The following SAMD5 variants were observed in gnomAD, a reference collection of about 807,000 sequenced individuals.
SAMD5 encodes the protein sterile alpha motif domain containing 5.
A neutral mutation model predicts 11.3 loss-of-function variants in SAMD5; 13 were observed. The ratio of observed to expected loss-of-function variants is 1.15; its 90% CI spans 0.75 to 1.83. The LOEUF (loss-of-function observed/expected upper bound fraction) is 1.83, where lower values mean the gene tolerates loss of function less well. Ranked by LOEUF, SAMD5 falls within the 40% of genes most tolerant of loss-of-function variation. The pLI is 0.00. For synonymous variants in SAMD5, 129 were observed against 111.3 expected (o/e 1.16, Z -1.00); for missense variants, 255 against 239.1 (o/e 1.07, Z -0.44).
intron 1 of SAMD5, among the ~76,000 whole-genome samples, chr6:147,616,919 T>C (rs541387707): frequency 3.2e-4 from 48 of 152,300 alleles, no homozygotes; most frequent in African/African-American, 1.2e-3. Context: ...TCTTGATACA[T>C]GAGGACTGCA....
chr6:147,668,321 T>G (rs1235364045), intron 1 of SAMD5, among the ~76,000 whole-genome samples: 1 of 152,218 alleles, frequency 6.6e-6, no homozygotes, highest in Non-Finnish European at 1.5e-5. Flanking sequence ...TTGGAGATCT[T>G]TCCACATCAA....
chr6:147,544,397 AG>A (rs1051450101), intron 1 of SAMD5, among the ~76,000 whole-genome samples: 1 of 152,200 alleles, frequency 6.6e-6, no homozygotes, highest in African/African-American at 2.4e-5. Context: ...AGGAGTATTA[AG>A]GGTTTTTAAG....
At chr6:147,729,986 GA>G (rs1214655499) in intron 1 of SAMD5, 3 of 409,552 alleles carry the variant, frequency 7.3e-6, no homozygotes, top group Admixed American at 2.9e-5. Flanking sequence ...TCGGGAGGCT[GA>G]GGCAGAAGAA....
At chr6:147,802,929 C>T in the SAMD5 span, among the ~76,000 whole-genome samples, 1 of 152,172 alleles carries the variant, frequency 6.6e-6, no homozygotes, top group African/African-American at 2.4e-5. Flanking sequence ...AAGGAATTTT[C>T]TGGGGGTGTT....
At chr6:147,637,966 A>G (rs1009860210) in intron 1 of SAMD5, among the ~76,000 whole-genome samples, 1 of 151,840 alleles carries the variant, frequency 6.6e-6, no homozygotes, top group African/African-American at 2.4e-5. Flanking sequence ...GACAGTTTTG[A>G]GAAACTAATG....
chr6:147,590,375 A>C (rs1239207848), intron 1 of SAMD5, among the ~76,000 whole-genome samples: 1 of 152,134 alleles, frequency 6.6e-6, no homozygotes, highest in African/African-American at 2.4e-5. Flanking sequence ...CCTACATAGC[A>C]TAGTGTTTAG....
At chr6:147,948,792 T>G in the SAMD5 span, among the ~76,000 whole-genome samples, 8 of 152,278 alleles carry the variant, frequency 5.3e-5, no homozygotes, top group East Asian at 1.5e-3. Flanking sequence ...ATGTTTTACT[T>G]GTGTTTATGT....
rs190449290 is a variant in SAMD5 at position 147,689,688 on chromosome 6, T to G, written c.163-47629T>G. 2.7e-3 allele frequency among the ~76,000 whole-genome samples: 405 copies of G among 152,346 alleles called. 1 individual carries two copies. Among genetic ancestry groups the G allele is most frequent in the African/African-American group, 9.4e-3 (389 of 41,598 alleles). On this transcript the variant is annotated intron_variant, in intron 1 of 1. Coordinates refer to the SAMD5 transcript ENST00000566741. ...GGAAAGAGAGAAGCTATGTTGGTGC[T>G]TTAGGAAAACAATCACTTATTGTAA... is the stretch of plus-strand genomic sequence containing the variant.
At chr6:147,554,408 T>A (rs1394200260) in intron 1 of SAMD5, among the ~76,000 whole-genome samples, 1 of 152,192 alleles carries the variant, frequency 6.6e-6, no homozygotes, top group Non-Finnish European at 1.5e-5. Flanking sequence ...CCCTTCCGAT[T>A]CATCAAGTGA....
chr6:147,701,408 T>G (rs1791251278), intron 1 of SAMD5, among the ~76,000 whole-genome samples: 1 of 152,148 alleles, frequency 6.6e-6, no homozygotes, highest in African/African-American at 2.4e-5. Context: ...CCCAGGCAGG[T>G]GGATCACCTG....
At chr6:147,609,428 G>C (rs1048157151) in intron 1 of SAMD5, among the ~76,000 whole-genome samples, 1 of 152,190 alleles carries the variant, frequency 6.6e-6, no homozygotes, top group African/African-American at 2.4e-5. Context: ...ATCAATCTCT[G>C]TTGTTTAAGC....
rs78245182 is a variant in SAMD5, at chr6:147,636,935, C to G, written c.163-100382C>G. 6.7e-4 allele frequency among the ~76,000 whole-genome samples: 102 copies of G among 151,590 alleles called. 1 individual carries two copies. The highest frequency in any genetic ancestry group is 2.2e-3 in the African/African-American group (93 of 41,368). On this transcript the variant is annotated intron_variant, in intron 1 of 1. Transcript: ENST00000566741. ...AAGGAATTTTTTTTTTTAAAGACAT[C>G]GTATTGGGTGAAGAGGGGTGTCTTA...
chr6:147,626,149 G>A (rs933607257), intron 1 of SAMD5, among the ~76,000 whole-genome samples: 8 of 152,090 alleles, frequency 5.3e-5, no homozygotes, highest in African/African-American at 1.9e-4. Flanking sequence ...AGTTGCAGCA[G>A]CTCTCTTGTT....
At chr6:147,832,073 A>G in the SAMD5 span, among the ~76,000 whole-genome samples, 1 of 152,170 alleles carries the variant, frequency 6.6e-6, no homozygotes, top group Non-Finnish European at 1.5e-5. Flanking sequence ...AAGAGAAAGG[A>G]AGGAAGAGAA....
chr6:147,557,391 C>T (rs913786139), intron 1 of SAMD5, among the ~76,000 whole-genome samples: 1 of 152,202 alleles, frequency 6.6e-6, no homozygotes, highest in African/African-American at 2.4e-5. Flanking sequence ...TGTTTTCTCA[C>T]AGTTCACAGC....
intron 1 of SAMD5, among the ~76,000 whole-genome samples, chr6:147,611,023 C>T (rs1451047568): frequency 2.0e-5 from 3 of 151,942 alleles, no homozygotes; most frequent in Admixed American, 6.6e-5. Flanking sequence ...GTATATGCCA[C>T]GACGCCCGGC....
chr6:147,527,982 C>T (rs1583069177), intron 1 of SAMD5, among the ~76,000 whole-genome samples: 1 of 152,056 alleles, frequency 6.6e-6, no homozygotes. Flanking sequence ...AGCAAGAGAG[C>T]GCGTACGGGG....
intron 1 of SAMD5, among the ~76,000 whole-genome samples, chr6:147,700,430 G>C (rs953332097): frequency 6.6e-6 from 1 of 152,136 alleles, no homozygotes; most frequent in Admixed American, 6.6e-5. Context: ...CTAAGTCCCA[G>C]AGGAGTTCAG....
At chr6:147,644,067 C>A (rs1013843390) in intron 1 of SAMD5, among the ~76,000 whole-genome samples, 1 of 152,072 alleles carries the variant, frequency 6.6e-6, no homozygotes, top group African/African-American at 2.4e-5. Context: ...TGATTCATTG[C>A]ATGATGAATG....
Sources: gnomAD v4.1 joint callset for allele counts (sites outside exome capture counted in the v4.1 genomes callset) on GRCh38, gnomAD v4.1.1 for gene constraint, MANE v1.5 for transcripts, NCBI Gene and HGNC (gene_info 2026-07-23, HGNC 2026-07-21) for gene names.